SH3BP4: variants seen among roughly 807,000 people sequenced by gnomAD.
The protein encoded by SH3BP4 is SH3 domain-binding protein 4.
In SH3BP4, 33 loss-of-function variants were observed where a neutral mutation model predicts 65.5. The ratio of observed to expected loss-of-function variants is 0.50; its 90% CI spans 0.38 to 0.67. The LOEUF is 0.67. SH3BP4 is among the 30% of genes least tolerant of loss of function. The pLI is 0.00. For synonymous variants in SH3BP4, 552 were observed against 545.5 expected (o/e 1.01, Z -0.17); for missense variants, 1,134 against 1,261.4 (o/e 0.90, Z 1.53).
At chr2:235,009,639 C>T (rs1443099487) in intron 2 of SH3BP4, among the ~76,000 whole-genome samples, 4 of 151,916 alleles carry the variant, frequency 2.6e-5, no homozygotes, top group Non-Finnish European at 5.9e-5. Flanking sequence ...GGGGTCTTGC[C>T]CTTGACTCTT....
intron 2 of SH3BP4, among the ~76,000 whole-genome samples, chr2:235,008,847 T>C (rs555399181): frequency 7.2e-5 from 11 of 152,210 alleles, no homozygotes; most frequent in African/African-American, 2.7e-4. Flanking sequence ...TCATTTATGC[T>C]TTGCTTTAAA....
intron 4 of SH3BP4, among the ~76,000 whole-genome samples, chr2:235,050,998 C>T (rs916539156): frequency 1.3e-5 from 2 of 152,164 alleles, no homozygotes; most frequent in Middle Eastern, 3.2e-3. Flanking sequence ...CCTCAGAAAC[C>T]GTCTCTGGGC....
At chr2:235,008,590 C>T (rs901485337) in intron 2 of SH3BP4, 7 of 152,172 alleles carry the variant, frequency 4.6e-5, no homozygotes, top group African/African-American at 1.7e-4. Context: ...TCTCCAAGCT[C>T]CCCTTGGTTC....
chr2:235,039,270 A>G (rs1299488504), intron 3 of SH3BP4, among the ~76,000 whole-genome samples: 1 of 152,208 alleles, frequency 6.6e-6, no homozygotes, highest in Admixed American at 6.5e-5. Flanking sequence ...AATGTAAATG[A>G]ATAGAAACTG....
At chr2:235,024,335 A>C (rs368556012) in intron 2 of SH3BP4, among the ~76,000 whole-genome samples, 1 of 152,346 alleles carries the variant, frequency 6.6e-6, no homozygotes, top group African/African-American at 2.4e-5. Context: ...TTGGCAGGTC[A>C]GGCATCCTGG....
chr2:235,019,667 C>T (rs999730109), intron 2 of SH3BP4, among the ~76,000 whole-genome samples: 3 of 151,636 alleles, frequency 2.0e-5, no homozygotes, highest in African/African-American at 7.3e-5. Context: ...AACTCCTGAC[C>T]TCAGGTGATC....
rs115181023 is a variant in SH3BP4 at position 234,999,167 on chromosome 2, C to T, written c.-133+3791C>T. Among the ~76,000 whole-genome samples, 1,318 of 152,294 alleles carry T rather than the reference C, an allele frequency of 8.7e-3. 27 individuals carry two copies. Among genetic ancestry groups the T allele is most frequent in the African/African-American group, 0.03 (1,242 of 41,556 alleles). ...GAGAAAGAAACGTGAGCTGCACTCC[C>T]GGCGACACATTGGACTAAGAACGGC... is the stretch of plus-strand genomic sequence containing the variant. On this transcript the variant is annotated intron_variant, in intron 2 of 5. Transcript: ENST00000392011.
intron 1 of SH3BP4, among the ~76,000 whole-genome samples, chr2:234,970,107 TCA>T (rs1230424470): frequency 8.6e-5 from 13 of 151,156 alleles, no homozygotes; most frequent in African/African-American, 9.7e-5. Context: ...ATACACTCAC[TCA>T]CACACACTCT....
In SH3BP4 at chr2:234,991,440, A is replaced by G. The variant is rs1300268072; in HGVS notation, c.-206-3863A>G. Among the ~76,000 whole-genome samples, 1 of 152,208 alleles carries G rather than the reference A, an allele frequency of 6.6e-6. No individual in the cohort carries two copies. Among genetic ancestry groups the G allele is most frequent in the Non-Finnish European group, 1.5e-5 (1 of 68,034 alleles). Reference sequence around the variant, plus strand: ...CTTGTGTTTTGAGCTGCTGAAGACAACAGAATCTTGTCTTCTTGGCATTGT... The same window carrying G: ...CTTGTGTTTTGAGCTGCTGAAGACAGCAGAATCTTGTCTTCTTGGCATTGT... On this transcript the variant is annotated intron_variant, in intron 1 of 5. Coordinates refer to ENST00000392011, the MANE Select transcript of SH3BP4 (RefSeq NM_014521.3). The surrounding 1 kb of genome is among the most constrained non-coding windows in gnomAD (Gnocchi z 4.2).
intron 1 of SH3BP4, among the ~76,000 whole-genome samples, chr2:234,958,440 G>C (rs544549136): frequency 4.9e-4 from 75 of 152,176 alleles, no homozygotes; most frequent in African/African-American, 1.7e-3. Context: ...GGTGTCTGGG[G>C]AAGGGTCTGT....
Position 235,042,079 on chromosome 2 carries a change from C to T in SH3BP4, c.1310C>T (p.Thr437Met), listed in dbSNP as rs1395585336. 1.2e-5 allele frequency: 20 copies of T among 1,613,762 alleles called. No individual in the cohort carries two copies. Among genetic ancestry groups the T allele is most frequent in the African/African-American group, 4.0e-5 (3 of 74,894 alleles). Residue 437 changes from threonine to methionine, a missense_variant, in exon 4 of 6, where the codon ACG becomes ATG. Transcript: ENST00000392011. This position sits in a 1 kb window ranked among gnomAD's most constrained non-coding sequence, Gnocchi z 7.3. Reference protein sequence around the residue: ...SVPLNCSCGDTVQAQLHNLEP... With the variant: ...SVPLNCSCGDMVQAQLHNLEP... ...CCGCTCAACTGCAGCTGTGGGGACA[C>T]GGTCCAGGCACAGCTGCACAACCTG...
Position 235,034,826 on chromosome 2 carries a change from G to A in SH3BP4, c.-132-45G>A, listed in dbSNP as rs1421577123. The A allele has an allele frequency of 8.4e-6, 5 of 592,448 alleles. No individual in the cohort carries two copies. Among genetic ancestry groups the A allele is most frequent in the Non-Finnish European group, 6.0e-6 (2 of 333,374 alleles). 36.7% of individuals were successfully genotyped at this position (592,448 alleles called of 1,614,324 possible). A position where few individuals can be genotyped will look rare whatever the true frequency, so the allele number is the denominator to read the frequency against. On this transcript the variant is annotated intron_variant, in intron 2 of 5. Transcript: ENST00000392011. This position sits in a 1 kb window ranked among gnomAD's most constrained non-coding sequence, Gnocchi z 6.2. ...CCCATAAAATTACCATTGAACCCATGTTTCGCTTGCTTAAGGGACTTTTTT... is the reference window on the plus strand; with the variant it reads ...CCCATAAAATTACCATTGAACCCATATTTCGCTTGCTTAAGGGACTTTTTT...
Position 235,041,796 on chromosome 2 carries a change from G to A in SH3BP4, c.1027G>A (p.Glu343Lys), listed in dbSNP as rs773132376. Residue 343 changes from glutamate (E) to lysine (K), a missense_variant, in exon 4 of 6, where the codon GAG becomes AAG. Coordinates refer to ENST00000392011, the MANE Select transcript of SH3BP4 (RefSeq NM_014521.3). This position sits in a 1 kb window ranked among gnomAD's most constrained non-coding sequence, Gnocchi z 6.0. ...CACCAGCATCAGCATCCACGTGCCC[G>A]AGGGCCACGTCGCCCCTGGGGAGAC... ...PDTSISIHVP[E>K]GHVAPGETQQ... 38 of 1,595,208 alleles carry A rather than the reference G, an allele frequency of 2.4e-5. No homozygotes were observed. Among genetic ancestry groups the A allele is most frequent in the South Asian group, 9.0e-5 (8 of 88,916 alleles).
chr2:235,005,495 G>C (rs1257593745), intron 2 of SH3BP4, among the ~76,000 whole-genome samples: 1 of 152,076 alleles, frequency 6.6e-6, no homozygotes, highest in Non-Finnish European at 1.5e-5. Flanking sequence ...TTTCCTGTTG[G>C]GGCCTTGAGT....
intron 1 of SH3BP4, among the ~76,000 whole-genome samples, chr2:234,964,084 C>T (rs1262641854): frequency 1.3e-5 from 2 of 152,184 alleles, no homozygotes. Context: ...CTTGGCACCG[C>T]AGTATTTGTG....
chr2:234,960,689 T>C (rs1230951175), intron 1 of SH3BP4, among the ~76,000 whole-genome samples: 1 of 152,216 alleles, frequency 6.6e-6, no homozygotes, highest in Non-Finnish European at 1.5e-5. Context: ...CACTGTGTAA[T>C]GTAGGATTTT....
chr2:235,003,464 G>A (rs1040209929), intron 2 of SH3BP4, among the ~76,000 whole-genome samples: 7 of 152,244 alleles, frequency 4.6e-5, no homozygotes, highest in South Asian at 4.1e-4. Flanking sequence ...AGGGTCATTC[G>A]AAGGATAGAG....
chr2:235,027,715 C>G (rs537572355), intron 2 of SH3BP4, among the ~76,000 whole-genome samples: 2 of 152,192 alleles, frequency 1.3e-5, no homozygotes, highest in Non-Finnish European at 2.9e-5. Flanking sequence ...ATTTATGCCT[C>G]GATCCCCTCC....
intron 2 of SH3BP4, among the ~76,000 whole-genome samples, chr2:235,019,734 C>A (rs186925840): frequency 2.0e-5 from 3 of 151,404 alleles, no homozygotes; most frequent in African/African-American, 7.3e-5. Context: ...CCACGCCTGG[C>A]CAGGGAAGGG....
Sources: gnomAD v4.1 joint callset for allele counts (sites outside exome capture counted in the v4.1 genomes callset) on GRCh38, gnomAD v4.1.1 for gene constraint, Gnocchi (gnomAD v3.1) non-coding constraint, MANE v1.5 for transcripts, NCBI Gene and HGNC (gene_info 2026-07-23, HGNC 2026-07-21) for gene names.